MPRIP: variants seen among roughly 807,000 people sequenced by gnomAD.
MPRIP encodes myosin phosphatase Rho interacting protein.
A neutral mutation model predicts 234.9 loss-of-function variants in MPRIP; 59 were observed. The observed-to-expected ratio is 0.25, with a 90% confidence interval of 0.20 to 0.31. The LOEUF is 0.31. Among genes scored for constraint, MPRIP ranks in the 10% least tolerant of loss-of-function variants. MPRIP has a pLI of 1.00. For missense variants in MPRIP, 2,436 were observed against 3,071.0 expected, an observed-to-expected ratio of 0.79 and a Z score of 4.89; for synonymous variants, 1,144 against 1,263.9, an observed-to-expected ratio of 0.91 and a Z score of 2.01.
chr17:17,163,818 G>C lies in MPRIP; in HGVS notation c.2518-291G>C, dbSNP rs573349324. Reference sequence around the variant, plus strand: ...TAGTCTTTGTTTTGCTTCTTAGTGTGTTCCATTATTCAGTTTTGTTTGGTT... The same window carrying C: ...TAGTCTTTGTTTTGCTTCTTAGTGTCTTCCATTATTCAGTTTTGTTTGGTT... On this transcript the variant is annotated intron_variant, in intron 15 of 23. Coordinates refer to ENST00000651222, the MANE Select transcript of MPRIP (RefSeq NM_001364716.4). Among the ~76,000 whole-genome samples, 3 of 151,278 alleles carry C rather than the reference G, an allele frequency of 2.0e-5. No homozygotes were observed. In the South Asian group the frequency reaches 6.2e-4, roughly 31 times the overall value.
At chr17:17,044,861 G>T (rs1030981030) in intron 1 of MPRIP, among the ~76,000 whole-genome samples, 7 of 152,184 alleles carry the variant, frequency 4.6e-5, no homozygotes, top group Admixed American at 1.3e-4. Context: ...GACCTTCAGG[G>T]CACAACTGGA....
chr17:17,113,699 A>C (rs902508949), intron 3 of MPRIP, among the ~76,000 whole-genome samples: 2 of 152,032 alleles, frequency 1.3e-5, no homozygotes, highest in African/African-American at 4.8e-5. Context: ...AAATCTATAA[A>C]GTCCAGTTTA....
Position 17,166,485 on chromosome 17 carries a change from C to T in MPRIP, c.4894C>T (p.Leu1632=). 7.7e-7 allele frequency: 1 copy of T among 1,304,282 alleles called. No homozygotes were observed. Among genetic ancestry groups the T allele is most frequent in the Non-Finnish European group, 1.0e-6 (1 of 988,964 alleles). The allele number at this position is 1,304,282 out of a possible 1,614,324, so 80.8% of individuals were successfully genotyped here. ...DGEFWSQVES[L]RKHLGTLGGE... The stretch of plus-strand genomic sequence containing the variant: ...TGAGTTCTGGAGCCAGGTTGAGTCT[C>T]TGAGGAAGCACTTGGGGACACTGGG... Residue 1632 remains leucine (L), a synonymous_variant, in exon 16 of 24, where the codon CTG becomes TTG. Transcript: ENST00000651222. This position sits in a 1 kb window ranked among gnomAD's most constrained non-coding sequence, Gnocchi z 4.4.
In MPRIP at chr17:17,134,731, A is replaced by G. The variant is rs1350924533; in HGVS notation, c.505-1488A>G. On this transcript the variant is annotated intron_variant, in intron 5 of 23. Coordinates refer to ENST00000651222, the MANE Select transcript of MPRIP (RefSeq NM_001364716.4). ...CCTGCTTCTGGAGCACGTGGTGGAA[A>G]CACTCAGACCCCCATGCTGCCCCTC... Among the ~76,000 whole-genome samples the G allele has an allele frequency of 2.0e-5, 3 of 152,146 alleles. No homozygotes were observed. The East Asian group carries it at 5.8e-4, about 29-fold the overall frequency.
intron 3 of MPRIP, among the ~76,000 whole-genome samples, chr17:17,080,879 G>C (rs2089446402): frequency 6.6e-6 from 1 of 152,158 alleles, no homozygotes; most frequent in African/African-American, 2.4e-5. Flanking sequence ...GAATGGGGTG[G>C]GCCTGTTTCT....
At position 17,161,297 on chromosome 17, in the gene MPRIP, G is replaced by A; in HGVS notation, c.2458G>A (p.Asp820Asn). The A allele has an allele frequency of 6.3e-7, 1 of 1,598,904 alleles. No homozygotes were observed. The highest frequency in any genetic ancestry group is 1.1e-5 in the South Asian group (1 of 89,306). The change falls in exon 15 of 24, where the codon GAC becomes AAC. Residue 820 changes from aspartate to asparagine, a missense_variant. Asp to Asn is a conservative substitution (Grantham distance 23). Transcript: ENST00000651222. ...TCTGGAGCAGAACCGGCTCCTGCAG[G>A]ACCAGCTGAGGGTGGCCCTGGGCCG... ...DLLEQNRLLQ[D>N]QLRVALGREQ...
intron 3 of MPRIP, among the ~76,000 whole-genome samples, chr17:17,080,694 A>G (rs749603045): frequency 2.0e-4 from 30 of 152,366 alleles, no homozygotes; most frequent in Non-Finnish European, 3.2e-4. Flanking sequence ...CAAAATGTCA[A>G]CAGTGCCAAG....
At chr17:17,178,112 A>G (rs1397073843) in intron 22 of MPRIP, among the ~76,000 whole-genome samples, 1 of 151,920 alleles carries the variant, frequency 6.6e-6, no homozygotes, top group African/African-American at 2.4e-5. Flanking sequence ...TAGTAGAGAC[A>G]GAGTTTCACC....
rs1254926742 is a variant in MPRIP, at chr17:17,138,653, A to G, written c.1250+224A>G. 2.0e-5 allele frequency among the ~76,000 whole-genome samples: 3 copies of G among 152,228 alleles called. No individual in the cohort carries two copies. The highest frequency in any genetic ancestry group is 2.0e-4 in the Admixed American group (3 of 15,290). ...TGAGCATCAGAGGTCGACGCCAAGA[A>G]TAGCAGTTTTCACATCAGTGCCTCC... On this transcript the variant is annotated intron_variant, in intron 7 of 23. Transcript: ENST00000651222. The surrounding 1 kb of genome is among the most constrained non-coding windows in gnomAD (Gnocchi z 5.8).
Position 17,164,750 on chromosome 17 carries a change from G to A in MPRIP, c.3159G>A (p.Gln1053=), listed in dbSNP as rs573391413. 5 of 1,303,720 alleles carry A rather than the reference G, an allele frequency of 3.8e-6. No homozygotes were observed. The South Asian group carries it at 6.2e-5, about 16-fold the overall frequency. 80.8% of individuals were successfully genotyped at this position (1,303,720 alleles called of 1,614,324 possible). Reference sequence around the variant, plus strand: ...ACAAGGCCAGCGCCTATGAGGACCAGCTGCAGGGTCAGGCACAGCAGGTGG... The same window carrying A: ...ACAAGGCCAGCGCCTATGAGGACCAACTGCAGGGTCAGGCACAGCAGGTGG... ...VEDKASAYED[Q]LQGQAQQVET... Residue 1053 remains glutamine (Q), a synonymous_variant, in exon 16 of 24, where the codon CAG becomes CAA. Transcript: ENST00000651222.
chr17:17,129,230 G>A (rs779641690), intron 4 of MPRIP, among the ~76,000 whole-genome samples: 2 of 152,056 alleles, frequency 1.3e-5, no homozygotes, highest in Non-Finnish European at 2.9e-5. Flanking sequence ...GCTCTTCTGT[G>A]CTCTCAGCTG....
intron 4 of MPRIP, among the ~76,000 whole-genome samples, chr17:17,129,682 C>T (rs1173891414): frequency 6.7e-6 from 1 of 150,356 alleles, no homozygotes; most frequent in Non-Finnish European, 1.5e-5. Flanking sequence ...GCAGCCTTCT[C>T]CCCTCCCCTC....
rs961559136 is a variant in MPRIP, at chr17:17,167,278, G to T, written c.5687G>T (p.Arg1896Leu). Residue 1896 changes from arginine to leucine, a missense_variant, in exon 16 of 24, where the codon CGC becomes CTC. Physicochemically the swap from Arg to Leu is moderately radical, Grantham distance 102 (BLOSUM62 -2). Transcript: ENST00000651222. The surrounding 1 kb of genome is among the most constrained non-coding windows in gnomAD (Gnocchi z 5.9). The stretch of plus-strand genomic sequence containing the variant: ...AGGGAGGAGTATGAGGAGCTTCTCC[G>T]CAAGCAGAAGAGCGAGTACCTGGAT... Reference protein sequence around the residue: ...ALREEYEELLRKQKSEYLDVI... With the variant: ...ALREEYEELLLKQKSEYLDVI... 7 of 1,303,852 alleles carry T rather than the reference G, an allele frequency of 5.4e-6. No homozygotes were observed. In the Admixed American group the frequency reaches 6.9e-5, roughly 13 times the overall value. 80.8% of individuals were successfully genotyped at this position (1,303,852 alleles called of 1,614,324 possible). A position where few individuals can be genotyped will look rare whatever the true frequency, so the allele number is the denominator to read the frequency against.
At chr17:17,054,329 C>G (rs2088629428) in intron 1 of MPRIP, among the ~76,000 whole-genome samples, 1 of 152,214 alleles carries the variant, frequency 6.6e-6, no homozygotes, top group Admixed American at 6.5e-5. Flanking sequence ...GTGCTTCTTA[C>G]TGCATAGTTT....
Position 17,165,100 on chromosome 17 carries a change from T to C in MPRIP, c.3509T>C (p.Leu1170Pro). The C allele has an allele frequency of 1.5e-6, 2 of 1,303,940 alleles. No individual in the cohort carries two copies. Among genetic ancestry groups the C allele is most frequent in the Non-Finnish European group, 2.0e-6 (2 of 988,958 alleles). The allele number at this position is 1,303,940 out of a possible 1,614,324, so 80.8% of individuals were successfully genotyped here. ...HTLLREKEEELERIKEAHEKV... is the reference protein window; with the variant it reads ...HTLLREKEEEPERIKEAHEKV... Reference sequence around the variant, plus strand: ...CTGCTGAGAGAGAAGGAGGAAGAGCTGGAGCGCATTAAGGAAGCACATGAG... The same window carrying C: ...CTGCTGAGAGAGAAGGAGGAAGAGCCGGAGCGCATTAAGGAAGCACATGAG... The change falls in exon 16 of 24, where the codon CTG (leucine) becomes CCG (proline). Residue 1170 changes from leucine (L) to proline (P), a missense_variant. Transcript: ENST00000651222.
chr17:17,145,496 C>T (rs2045442122), intron 9 of MPRIP, among the ~76,000 whole-genome samples: 2 of 152,184 alleles, frequency 1.3e-5, no homozygotes. Context: ...GTCTGCCATC[C>T]TGCTTCTTGT....
At chr17:17,081,491 G>T (rs2089461556) in intron 3 of MPRIP, among the ~76,000 whole-genome samples, 2 of 152,164 alleles carry the variant, frequency 1.3e-5, no homozygotes, top group Non-Finnish European at 2.9e-5. Context: ...TGACCTTTAG[G>T]GATTACTCAG....
Position 17,167,832 on chromosome 17 carries a change from C to T in MPRIP, c.6241C>T (p.Arg2081Trp), listed in dbSNP as rs770564858. Reference sequence around the variant, plus strand: ...GCTGGAGGCCCAGATGGATGTCATGCGGGAGGAGCTGGGACACAAGGACCT... The same window carrying T: ...GCTGGAGGCCCAGATGGATGTCATGTGGGAGGAGCTGGGACACAAGGACCT... ...QELEAQMDVM[R>W]EELGHKDLEG... The change falls in exon 16 of 24, where the codon CGG becomes TGG. Residue 2081 changes from arginine to tryptophan, a missense_variant. Arg to Trp is a moderately radical substitution (Grantham distance 101). Around this residue, in one of 4 missense-constraint regions of MPRIP, gnomAD observed 1,998 missense variants for 2,520.3 expected, o/e 0.79. Coordinates refer to ENST00000651222, the MANE Select transcript of MPRIP (RefSeq NM_001364716.4). The surrounding 1 kb of genome is among the most constrained non-coding windows in gnomAD (Gnocchi z 5.9). 3.1e-6 allele frequency: 4 copies of T among 1,304,202 alleles called. No homozygotes were observed. The highest frequency in any genetic ancestry group is 3.0e-6 in the Non-Finnish European group (3 of 988,950). 80.8% of individuals were successfully genotyped at this position (1,304,202 alleles called of 1,614,324 possible).
At chr17:17,133,888 C>T (rs1257585298) in intron 5 of MPRIP, among the ~76,000 whole-genome samples, 1 of 152,166 alleles carries the variant, frequency 6.6e-6, no homozygotes, top group Admixed American at 6.5e-5. Flanking sequence ...GAAACGATGA[C>T]CCATGTAGGT....
Sources: allele counts gnomAD v4.1 joint callset (sites outside exome capture counted in the v4.1 genomes callset), GRCh38; gene constraint gnomAD v4.1.1; regional missense constraint gnomAD v4.1.1; non-coding constraint Gnocchi (gnomAD v3.1); transcripts MANE v1.5; gene names NCBI Gene and HGNC (gene_info 2026-07-23, HGNC 2026-07-21).